PELI3: variants seen among roughly 807,000 people sequenced by gnomAD.
PELI3 encodes pellino E3 ubiquitin protein ligase family member 3, also known as E3 ubiquitin-protein ligase pellino homolog 3.
PELI3 carries 19 observed loss-of-function variants against 35.5 expected under a neutral mutation model. The ratio of observed to expected loss-of-function variants is 0.54; its 90% CI spans 0.37 to 0.79. The LOEUF is 0.79. Ranked by LOEUF, PELI3 falls within the 30% of genes least tolerant of loss-of-function variation. The pLI is 0.00. For missense variants in PELI3, 490 were observed against 661.2 expected, an observed-to-expected ratio of 0.74 and a Z score of 2.84; for synonymous variants, 262 against 279.2, an observed-to-expected ratio of 0.94 and a Z score of 0.62.
At chr11:66,472,328 T>C in intron 4 of PELI3, 41 bp from the exon 5 acceptor site, 4 of 1,522,276 alleles carry the variant, frequency 2.6e-6, no homozygotes, top group Non-Finnish European at 3.6e-6. Context: ...ACACTTATCA[T>C]GGCTGCACAC....
rs908693 is a variant in PELI3, at chr11:66,473,046, C to T, written c.457-195C>T. Among the ~76,000 whole-genome samples, 2,457 of 152,262 alleles carry T rather than the reference C, an allele frequency of 0.016. 68 individuals carry two copies. Among genetic ancestry groups the T allele is most frequent in the African/African-American group, 0.055 (2,296 of 41,526 alleles). On this transcript the variant is annotated intron_variant, in intron 5 of 7. Transcript: ENST00000320740. This position sits in a 1 kb window ranked among gnomAD's most constrained non-coding sequence, Gnocchi z 5.8. The stretch of plus-strand genomic sequence containing the variant: ...GAGAAGGAGAAGCTGCTCCAGGCCA[C>T]GGCTTCTTGGACTTGGAGACCCCAC...
At position 66,468,145 on chromosome 11, in the gene PELI3, AC is replaced by A; in HGVS notation, c.20del (p.Pro7LeufsTer61). 1 of 1,607,798 alleles carries A rather than the reference AC, an allele frequency of 6.2e-7. No individual in the cohort carries two copies. Among genetic ancestry groups the A allele is most frequent in the Non-Finnish European group, 8.5e-7 (1 of 1,176,566 alleles). On this transcript the variant is annotated frameshift_variant, in exon 2 of 8. Transcript: ENST00000320740. LOFTEE classifies it high-confidence loss of function. MVLEG[N>X]PEVGSPRTSD... ...CTGCCCAGAATGGTGCTGGAAGGAA[AC>A]CCTGAAGTGGGGTCCCCCCGAACCT...
In PELI3 at chr11:66,475,844, G is replaced by T; in HGVS notation, c.1087G>T (p.Gly363Trp). ...GCAGCCCTGGGTCTACGTCCGCTGC[G>T]GGCACGTCCATGGCTACCACGGCTG... ...KQQPWVYVRC[G>W]HVHGYHGWGC... is the part of the protein sequence containing the mutation. Residue 363 changes from glycine to tryptophan, a missense_variant, in exon 8 of 8, where the codon GGG becomes TGG. Physicochemically the swap from Gly to Trp is radical, Grantham distance 184. Around this residue, in one of 3 missense-constraint regions of PELI3, gnomAD observed 349 missense variants for 484.8 expected, o/e 0.72. Transcript: ENST00000320740. 6.2e-7 allele frequency: 1 copy of T among 1,606,904 alleles called. No individual in the cohort carries two copies. The highest frequency in any genetic ancestry group is 8.5e-7 in the Non-Finnish European group (1 of 1,177,642).
At chr11:66,468,969 A>G in intron 3 of PELI3, 65 bp downstream of exon 3, 1 of 672,120 alleles carries the variant, frequency 1.5e-6, no homozygotes, top group Non-Finnish European at 2.8e-6. Flanking sequence ...CGCTTTCACT[A>G]AGCCACAGCT....
chr11:66,473,698 C>T lies in PELI3; in HGVS notation c.652-39C>T. 1.2e-6 allele frequency: 2 copies of T among 1,606,002 alleles called. No homozygotes were observed. The highest frequency in any genetic ancestry group is 1.1e-5 in the South Asian group (1 of 90,298). On this transcript the variant is annotated intron_variant, in intron 6 of 7. Coordinates refer to ENST00000320740, the MANE Select transcript of PELI3 (RefSeq NM_145065.3). This position sits in a 1 kb window ranked among gnomAD's most constrained non-coding sequence, Gnocchi z 5.8. ...CTCTGGCACATGGCCTGCTGGGGGG[C>T]CCCTGGGGGATGTGATCTGATCCCT...
Position 66,475,852 on chromosome 11 carries a change from C to A in PELI3, c.1095C>A (p.Val365=). ...GGGTCTACGTCCGCTGCGGGCACGT[C>A]CATGGCTACCACGGCTGGGGCTGCC... ...QPWVYVRCGH[V]HGYHGWGCRR... The change falls in exon 8 of 8, where the codon GTC becomes GTA. Residue 365 remains valine (V), a synonymous_variant. Coordinates refer to ENST00000320740, the MANE Select transcript of PELI3 (RefSeq NM_145065.3). 1 of 1,607,110 alleles carries A rather than the reference C, an allele frequency of 6.2e-7. No individual in the cohort carries two copies. Among genetic ancestry groups the A allele is most frequent in the Non-Finnish European group, 8.5e-7 (1 of 1,177,710 alleles).
chr11:66,469,747 A>C (rs1443417662), intron 3 of PELI3, among the ~76,000 whole-genome samples: 2 of 151,584 alleles, frequency 1.3e-5, no homozygotes, highest in African/African-American at 4.8e-5. Context: ...GGCCCTCTCC[A>C]AGCCTACAGA....
chr11:66,473,967 C>T lies in PELI3; in HGVS notation c.840+42C>T. ...ATTCCCCACCCCTATCCTTGCCAGG[C>T]CCTCACAAGCTGCCCATCCCCCTGC... On this transcript the variant is annotated intron_variant, in intron 7 of 7. Coordinates refer to ENST00000320740, the MANE Select transcript of PELI3 (RefSeq NM_145065.3). The surrounding 1 kb of genome is among the most constrained non-coding windows in gnomAD (Gnocchi z 5.8). 1 of 1,605,274 alleles carries T rather than the reference C, an allele frequency of 6.2e-7. No homozygotes were observed. Among genetic ancestry groups the T allele is most frequent in the Non-Finnish European group, 8.5e-7 (1 of 1,178,294 alleles).
Position 66,476,318 on chromosome 11 carries a change from G to T in PELI3, c.*151G>T. On this transcript the variant is annotated 3_prime_UTR_variant, in exon 8 of 8. Transcript: ENST00000320740. ...ATGGGCTGTGCCCTTCCCCCCAACT[G>T]TGGCCCCCCAAGGAGGTCCCCAAGA... is the stretch of plus-strand genomic sequence containing the variant. The T allele has an allele frequency of 6.9e-6, 6 of 865,918 alleles. No homozygotes were observed. Among genetic ancestry groups the T allele is most frequent in the South Asian group, 3.7e-5 (2 of 53,988 alleles). The allele number at this position is 865,918 out of a possible 1,614,324, so 53.6% of individuals were successfully genotyped here.
At position 66,472,425 on chromosome 11, in the gene PELI3, G is replaced by A. The variant is rs201490016; in HGVS notation, c.411G>A (p.Ser137=). The change falls in exon 5 of 8, where the codon TCG becomes TCA. Residue 137 remains serine (S), a synonymous_variant. Transcript: ENST00000320740. ...CGTATACACTGTCCCGGAGCCACTC[G>A]GTCATAGTGGAGTATACACATGATA... ...SISYTLSRSH[S]VIVEYTHDSD... is the part of the protein sequence containing the mutation. 3.8e-5 allele frequency: 61 copies of A among 1,614,074 alleles called. No individual in the cohort carries two copies. Among genetic ancestry groups the A allele is most frequent in the African/African-American group, 2.5e-4 (19 of 75,006 alleles).
At chr11:66,471,178 T>C in intron 3 of PELI3, 64 bp from the exon 4 acceptor site, 2 of 1,514,274 alleles carry the variant, frequency 1.3e-6, no homozygotes, top group Non-Finnish European at 1.8e-6. Context: ...TCATCAGGGG[T>C]TCACTTTCTC....
chr11:66,473,345 T>C lies in PELI3; in HGVS notation c.561T>C (p.Tyr187=), dbSNP rs1219469895. 1 of 1,613,502 alleles carries C rather than the reference T, an allele frequency of 6.2e-7. No individual in the cohort carries two copies. Among genetic ancestry groups the C allele is most frequent in the East Asian group, 2.2e-5 (1 of 44,880 alleles). ...CTGCCCAGAGCACCATCTCCCGCTA[T>C]GCCTGCCGCATCCTCTGTGACCGCC... ...GPSAQSTISR[Y]ACRILCDRRP... The change falls in exon 6 of 8, where the codon TAT becomes TAC. Residue 187 remains tyrosine, a synonymous_variant. Coordinates refer to ENST00000320740, the MANE Select transcript of PELI3 (RefSeq NM_145065.3). The surrounding 1 kb of genome is among the most constrained non-coding windows in gnomAD (Gnocchi z 5.8).
chr11:66,468,213 T>C lies in PELI3; in HGVS notation c.85T>C (p.Ser29Pro), dbSNP rs762549005. The C allele has an allele frequency of 1.7e-5, 28 of 1,603,402 alleles. No individual in the cohort carries two copies. Among genetic ancestry groups the C allele is most frequent in the Non-Finnish European group, 2.4e-5 (28 of 1,173,944 alleles). Residue 29 changes from serine (S) to proline (P), a missense_variant, in exon 2 of 8, where the codon TCC becomes CCC. This residue lies in a region of PELI3 where 137 missense variants were observed against 157.1 expected (regional missense o/e 0.87). Transcript: ENST00000320740. Reference sequence around the variant, plus strand: ...GGGGAACAAGGGCTCTTGCGTTCTCTCCTCTCCCGGTGAAGATGCGCAGCC... The same window carrying C: ...GGGGAACAAGGGCTCTTGCGTTCTCCCCTCTCCCGGTGAAGATGCGCAGCC... Reference protein sequence around the residue: ...HRGNKGSCVLSSPGEDAQPGE... With the variant: ...HRGNKGSCVLPSPGEDAQPGE...
Position 66,473,976 on chromosome 11 carries a change from G to C in PELI3, c.840+51G>C, listed in dbSNP as rs376532458. 2 of 1,600,832 alleles carry C rather than the reference G, an allele frequency of 1.2e-6. No homozygotes were observed. Among genetic ancestry groups the C allele is most frequent in the African/African-American group, 2.7e-5 (2 of 74,888 alleles). ...CCCTATCCTTGCCAGGCCCTCACAA[G>C]CTGCCCATCCCCCTGCCCAAGCCAG... is the stretch of plus-strand genomic sequence containing the variant. On this transcript the variant is annotated intron_variant, in intron 7 of 7. Coordinates refer to ENST00000320740, the MANE Select transcript of PELI3 (RefSeq NM_145065.3). This position sits in a 1 kb window ranked among gnomAD's most constrained non-coding sequence, Gnocchi z 5.8.
Position 66,473,302 on chromosome 11 carries a change from G to A in PELI3, c.518G>A (p.Gly173Glu), listed in dbSNP as rs760436606. ...FVVTDTSPGG[G>E]AAEGPSAQST... ...GTAACAGACACGTCCCCTGGAGGAG[G>A]GGCTGCCGAGGGCCCTTCTGCCCAG... The change falls in exon 6 of 8, where the codon GGG (glycine) becomes GAG (glutamate). Residue 173 changes from glycine to glutamate, a missense_variant. This residue lies in a region of PELI3 where 349 missense variants were observed against 484.8 expected (regional missense o/e 0.72). Transcript: ENST00000320740. This position sits in a 1 kb window ranked among gnomAD's most constrained non-coding sequence, Gnocchi z 5.8. The A allele has an allele frequency of 6.2e-7, 1 of 1,613,460 alleles. No individual in the cohort carries two copies. The highest frequency in any genetic ancestry group is 8.5e-7 in the Non-Finnish European group (1 of 1,179,960).
intron 2 of PELI3, 49 bp downstream of exon 2, chr11:66,468,329 C>G: frequency 7.1e-7 from 1 of 1,407,334 alleles, no homozygotes; most frequent in Non-Finnish European, 9.3e-7. Flanking sequence ...ACCCACCCAA[C>G]GCAGCCAGAA....
chr11:66,469,804 G>GTTTTTT (rs1330000663), intron 3 of PELI3, among the ~76,000 whole-genome samples: 1 of 129,958 alleles, frequency 7.7e-6, no homozygotes, highest in African/African-American at 2.9e-5. Context: ...TTTTTTTTTT[G>GTTTTTT]TTTTTTTTTT....
In PELI3 at chr11:66,468,284, AG is replaced by A; in HGVS notation, c.152+5del. The A allele has an allele frequency of 6.7e-7, 1 of 1,488,470 alleles. No individual in the cohort carries two copies. Among genetic ancestry groups the A allele is most frequent in the South Asian group, 1.4e-5 (1 of 73,836 alleles). The allele number at this position is 1,488,470 out of a possible 1,614,324, so 92.2% of individuals were successfully genotyped here. On this transcript the variant is annotated splice_donor_5th_base_variant and intron_variant, in intron 2 of 7. Transcript: ENST00000320740. Reference sequence around the variant, plus strand: ...ATGGTGAACTCATCGTCCTGGGGTGAGCATCCCTGGCCTAGAAGGGGTGAAG... The same window carrying A: ...ATGGTGAACTCATCGTCCTGGGGTGACATCCCTGGCCTAGAAGGGGTGAAG...
At position 66,473,206 on chromosome 11, in the gene PELI3, CA is replaced by C; in HGVS notation, c.457-34del. The C allele has an allele frequency of 6.4e-7, 1 of 1,567,778 alleles. No homozygotes were observed. Among genetic ancestry groups the C allele is most frequent in the Non-Finnish European group, 8.7e-7 (1 of 1,152,686 alleles). On this transcript the variant is annotated intron_variant, in intron 5 of 7. Coordinates refer to ENST00000320740, the MANE Select transcript of PELI3 (RefSeq NM_145065.3). The surrounding 1 kb of genome is among the most constrained non-coding windows in gnomAD (Gnocchi z 5.8). ...AAGGCCCATGAGAGTCCCCTATGTA[CA>C]TACAGTCCCTGCTTGCTCTCCCTGT...
Sources: allele counts gnomAD v4.1 joint callset (sites outside exome capture counted in the v4.1 genomes callset), GRCh38; gene constraint gnomAD v4.1.1; regional missense constraint gnomAD v4.1.1; non-coding constraint Gnocchi (gnomAD v3.1); transcripts MANE v1.5; gene names NCBI Gene and HGNC (gene_info 2026-07-23, HGNC 2026-07-21).